Variants in DMXL1 observed in about 807,000 individuals in gnomAD.
DMXL1 encodes dmX-like protein 1.
In DMXL1, 99 loss-of-function variants were observed where a neutral mutation model predicts 319.2. The ratio of observed to expected loss-of-function variants is 0.31; its 90% CI spans 0.26 to 0.37. DMXL1 has a LOEUF of 0.37. Ranked by LOEUF, DMXL1 falls within the 10% of genes least tolerant of loss-of-function variation. The pLI is 1.00. For missense variants in DMXL1, 3,745 were observed against 3,595.6 expected (o/e 1.04, Z -1.06); for synonymous variants, 1,385 against 1,235.2 (o/e 1.12, Z -2.54).
chr5:119,170,578 A>G lies in DMXL1; in HGVS notation c.5787A>G (p.Ile1929Met). 1.2e-6 allele frequency: 2 copies of G among 1,613,926 alleles called. No homozygotes were observed. The highest frequency in any genetic ancestry group is 1.7e-6 in the Non-Finnish European group (2 of 1,179,930). The change falls in exon 24 of 44, where the codon ATA becomes ATG. Residue 1929 changes from isoleucine to methionine, a missense_variant. Physicochemically the swap from Ile to Met is conservative, Grantham distance 10. Transcript: ENST00000539542. ...CTGTTGATTGGTCACAGTCACTGAT[A>G]AATGGTTTTGGATCTTCTTCAGAGG... ...SSAVDWSQSL[I>M]NGFGSSSEGS... is the part of the protein sequence containing the mutation.
chr5:119,095,004 C>T (rs1306923487), intron 1 of DMXL1, among the ~76,000 whole-genome samples: 4 of 152,062 alleles, frequency 2.6e-5, no homozygotes, highest in East Asian at 1.9e-4. Context: ...TACAGGCGTA[C>T]GCCACTGCAA....
chr5:119,155,783 C>T (rs1402827286), intron 19 of DMXL1, among the ~76,000 whole-genome samples: 2 of 147,738 alleles, frequency 1.4e-5, no homozygotes, highest in Non-Finnish European at 1.5e-5. Context: ...GCTATGATCA[C>T]ACCACTGCAC....
At chr5:119,135,228 T>A (rs745954359) in intron 13 of DMXL1, among the ~76,000 whole-genome samples, 2 of 152,082 alleles carry the variant, frequency 1.3e-5, no homozygotes, top group African/African-American at 2.4e-5. Context: ...AATTTAGATG[T>A]GAAGAAAACA....
chr5:119,105,923 T>C (rs1394411982), intron 4 of DMXL1, among the ~76,000 whole-genome samples: 1 of 150,038 alleles, frequency 6.7e-6, no homozygotes, highest in East Asian at 2.0e-4. Flanking sequence ...GAAGAAAATA[T>C]AATGAATATA....
intron 9 of DMXL1, chr5:119,127,817 G>T: frequency 3.7e-6 from 1 of 270,048 alleles, no homozygotes; most frequent in Non-Finnish European, 7.6e-6. Context: ...TATGTTCTTA[G>T]ATTTCTTTCA....
chr5:119,120,945 T>A (rs1222492954), intron 8 of DMXL1, 26 bp from the exon 9 acceptor site: 3 of 1,583,484 alleles, frequency 1.9e-6, no homozygotes, highest in Non-Finnish European at 2.6e-6. Context: ...ACAATATAGG[T>A]ATTAGTTTTG....
chr5:119,071,030 T>C (rs754368375), upstream of DMXL1: 1 of 156,976 alleles, frequency 6.4e-6, no homozygotes, highest in Non-Finnish European at 1.4e-5. Flanking sequence ...GTGAATTCTT[T>C]ACCACAGTAG....
intron 1 of DMXL1, among the ~76,000 whole-genome samples, chr5:119,091,034 C>G (rs990496871): frequency 2.0e-5 from 3 of 152,034 alleles, no homozygotes; most frequent in Non-Finnish European, 4.4e-5. Context: ...TGTTTATTAA[C>G]TTTTTCTGAT....
intron 31 of DMXL1, 70 bp from the exon 32 acceptor site, chr5:119,197,685 C>T: frequency 7.3e-7 from 1 of 1,375,200 alleles, no homozygotes; most frequent in Non-Finnish European, 1.0e-6. Flanking sequence ...TCTCTCATTT[C>T]AGTCTTTCTT....
chr5:119,220,637 G>C, intron 36 of DMXL1, 44 bp downstream of exon 36: 1 of 1,595,518 alleles, frequency 6.3e-7, no homozygotes, highest in Non-Finnish European at 8.5e-7. Context: ...TGCAATATGA[G>C]TGACTATATT....
Position 119,170,778 on chromosome 5 carries a change from A to T in DMXL1, c.5987A>T (p.Lys1996Met), listed in dbSNP as rs1284267043. ...LKPLQRKTDK[K>M]LDDISSNYTE... is the part of the protein sequence containing the mutation. ...CCTTTACAGAGAAAAACAGATAAAA[A>T]GTTGGATGACATAAGTTCTAACTAC... The change falls in exon 24 of 44, where the codon AAG (lysine) becomes ATG (methionine). Residue 1996 changes from lysine to methionine, a missense_variant. Physicochemically the swap from Lys to Met is moderately conservative, Grantham distance 95. Around this residue, in one of 4 missense-constraint regions of DMXL1, gnomAD observed 1,382 missense variants for 1,269.5 expected, o/e 1.09. Coordinates refer to ENST00000539542, the MANE Select transcript of DMXL1 (RefSeq NM_001290321.3). 7 of 1,612,414 alleles carry T rather than the reference A, an allele frequency of 4.3e-6. No homozygotes were observed. In the South Asian group the frequency reaches 5.5e-5, roughly 13 times the overall value.
chr5:119,191,233 T>C (rs1738144867), intron 29 of DMXL1, among the ~76,000 whole-genome samples: 1 of 152,234 alleles, frequency 6.6e-6, no homozygotes, highest in African/African-American at 2.4e-5. Flanking sequence ...ACTGCCTATA[T>C]AAGTATCTTT....
At chr5:119,203,093 C>G (rs1181381330) in intron 32 of DMXL1, among the ~76,000 whole-genome samples, 1 of 151,810 alleles carries the variant, frequency 6.6e-6, no homozygotes, top group Non-Finnish European at 1.5e-5. Context: ...TGTACATTAT[C>G]AGACTTGAGT....
At chr5:119,119,207 T>G (rs930237289) in intron 8 of DMXL1, among the ~76,000 whole-genome samples, 5 of 152,230 alleles carry the variant, frequency 3.3e-5, no homozygotes, top group Non-Finnish European at 7.3e-5. Flanking sequence ...GAAGTTACTC[T>G]TAGGTTTACT....
Position 119,171,834 on chromosome 5 carries a change from C to G in DMXL1, c.6546C>G (p.Leu2182=). The G allele has an allele frequency of 6.2e-7, 1 of 1,613,910 alleles. No homozygotes were observed. Among genetic ancestry groups the G allele is most frequent in the Non-Finnish European group, 8.5e-7 (1 of 1,179,868 alleles). The change falls in exon 25 of 44, where the codon CTC becomes CTG. Residue 2182 remains leucine (L), a synonymous_variant. Coordinates refer to ENST00000539542, the MANE Select transcript of DMXL1 (RefSeq NM_001290321.3). ...SPLSEQTSVP[L]LFACTANAKT... is the part of the protein sequence containing the mutation. ...TGTCAGAGCAAACCTCAGTGCCTCT[C>G]CTCTTTGCTTGTACAGCCAATGCCA... is the stretch of plus-strand genomic sequence containing the variant.
rs763274862 is a variant in DMXL1 at position 119,143,874 on chromosome 5, C to G, written c.2410C>G (p.Gln804Glu). The change falls in exon 14 of 44, where the codon CAA becomes GAA. Residue 804 changes from glutamine (Q) to glutamate (E), a missense_variant. Gln to Glu is a conservative substitution (Grantham distance 29). Coordinates refer to ENST00000539542, the MANE Select transcript of DMXL1 (RefSeq NM_001290321.3). ...YVGEVFNIVSQQSTARPGCII... is the reference protein window; with the variant it reads ...YVGEVFNIVSEQSTARPGCII... ...TGGTGAAGTCTTTAACATCGTCAGT[C>G]AACAATCAACAGCCAGGCCAGGATG... The G allele has an allele frequency of 1.1e-5, 18 of 1,585,208 alleles. No individual in the cohort carries two copies. The highest frequency in any genetic ancestry group is 1.4e-5 in the Non-Finnish European group (16 of 1,166,194).
At chr5:119,108,126 G>T (rs986188103) in intron 4 of DMXL1, among the ~76,000 whole-genome samples, 2 of 152,298 alleles carry the variant, frequency 1.3e-5, no homozygotes, top group South Asian at 4.1e-4. Context: ...AGTTTGGGAG[G>T]CTGAGTTGGG....
intron 32 of DMXL1, among the ~76,000 whole-genome samples, chr5:119,200,313 C>G (rs1780466359): frequency 6.6e-6 from 1 of 152,118 alleles, no homozygotes; most frequent in African/African-American, 2.4e-5. Flanking sequence ...TATCCCAGCA[C>G]CATTTATAGA....
chr5:119,076,570 A>G (rs991028664), intron 1 of DMXL1, among the ~76,000 whole-genome samples: 10 of 152,190 alleles, frequency 6.6e-5, no homozygotes, highest in East Asian at 1.9e-4. Flanking sequence ...TTAAAACATA[A>G]AGTTTTACAG....
Sources: allele counts gnomAD v4.1 joint callset (sites outside exome capture counted in the v4.1 genomes callset), GRCh38; gene constraint gnomAD v4.1.1; regional missense constraint gnomAD v4.1.1; transcripts MANE v1.5; gene names NCBI Gene and HGNC (gene_info 2026-07-23, HGNC 2026-07-21).